CSTF2T: variants seen among roughly 807,000 people sequenced by gnomAD.
CSTF2T encodes the protein cleavage stimulation factor subunit 2 tau variant, also known as CF-1 64 kDa subunit tau.
In CSTF2T, 18 loss-of-function variants were observed where a neutral mutation model predicts 39.9. The observed-to-expected ratio is 0.45, with a 90% confidence interval of 0.31 to 0.67. CSTF2T has a LOEUF of 0.67. Among genes scored for constraint, CSTF2T ranks in the 30% least tolerant of loss-of-function variants. The pLI, the probability that CSTF2T is intolerant of heterozygous loss-of-function variation, is 0.06. For missense variants in CSTF2T, 681 were observed against 789.0 expected, an observed-to-expected ratio of 0.86 and a Z score of 1.64; for synonymous variants, 291 against 276.4, an observed-to-expected ratio of 1.05 and a Z score of -0.52.
chr10:51,698,539 T>C lies in CSTF2T; in HGVS notation c.1011A>G (p.Pro337=), dbSNP rs747979068. The change falls in exon 1 of 1, where the codon CCA becomes CCG. Residue 337 remains proline, a synonymous_variant. Coordinates refer to ENST00000331173, the MANE Select transcript of CSTF2T (RefSeq NM_015235.3). ...RGLLGDAPND[P]RGGTLLSVTG... Reference sequence around the variant, plus strand: ...TGACTGAAAGCAAAGTCCCTCCACGTGGGTCATTTGGAGCATCTCCTAACA... The same window carrying C: ...TGACTGAAAGCAAAGTCCCTCCACGCGGGTCATTTGGAGCATCTCCTAACA... 2.5e-5 allele frequency: 40 copies of C among 1,613,978 alleles called. No individual in the cohort carries two copies. Among genetic ancestry groups the C allele is most frequent in the Non-Finnish European group, 3.4e-5 (40 of 1,180,038 alleles).
rs1194268948 is a variant in CSTF2T at position 51,699,587 on chromosome 10, G to C, written c.-38C>G. On this transcript the variant is annotated 5_prime_UTR_variant, in exon 1 of 1. Transcript: ENST00000331173. ...GCAGACAGCCGATAGCGGATTCTTC[G>C]AGGCGTCTGTCCTCTTGCGACCGAC... is the stretch of plus-strand genomic sequence containing the variant. 7.6e-6 allele frequency: 12 copies of C among 1,576,638 alleles called. No homozygotes were observed. The highest frequency in any genetic ancestry group is 1.7e-4 in the Middle Eastern group (1 of 5,790).
Position 51,697,879 on chromosome 10 carries a change from G to C in CSTF2T, c.1671C>G (p.Ser557Arg). 1 of 1,613,282 alleles carries C rather than the reference G, an allele frequency of 6.2e-7. No individual in the cohort carries two copies. The highest frequency in any genetic ancestry group is 8.5e-7 in the Non-Finnish European group (1 of 1,179,586). Residue 557 changes from serine to arginine, a missense_variant, in exon 1 of 1, where the codon AGC becomes AGG. Coordinates refer to ENST00000331173, the MANE Select transcript of CSTF2T (RefSeq NM_015235.3). ...GIQGASKQGG[S>R]QPSSFSPGQS... Reference sequence around the variant, plus strand: ...GCCCAGGACTAAAACTGCTAGGCTGGCTTCCACCTTGCTTGCTTGCCCCCT... The same window carrying C: ...GCCCAGGACTAAAACTGCTAGGCTGCCTTCCACCTTGCTTGCTTGCCCCCT...
chr10:51,698,932 C>CTGAGA lies in CSTF2T; in HGVS notation c.613_617dup (p.Gln206HisfsTer26). 1 of 1,614,234 alleles carries CTGAGA rather than the reference C, an allele frequency of 6.2e-7. No individual in the cohort carries two copies. The highest frequency in any genetic ancestry group is 8.5e-7 in the Non-Finnish European group (1 of 1,180,042). On this transcript the variant is annotated frameshift_variant, in exon 1 of 1. Coordinates refer to ENST00000331173, the MANE Select transcript of CSTF2T (RefSeq NM_015235.3). LOFTEE classifies it high-confidence loss of function. The stretch of plus-strand genomic sequence containing the variant: ...GGCCAGGGCCAGAGACAGACACAGA[C>CTGAGA]TGAGATTTGCCTGGGATCAGTGGTG...
At position 51,695,647 on chromosome 10, in the gene CSTF2T, C is replaced by T. The variant is rs952193853; in HGVS notation, c.*2052G>A. On this transcript the variant is annotated 3_prime_UTR_variant, in exon 1 of 1. Coordinates refer to ENST00000331173, the MANE Select transcript of CSTF2T (RefSeq NM_015235.3). ...GCCAACTCTGTGAATTAGTATTAAGCATAACTATCACATATGTAAACGCGA... is the reference window on the plus strand; with the variant it reads ...GCCAACTCTGTGAATTAGTATTAAGTATAACTATCACATATGTAAACGCGA... 2.6e-5 allele frequency: 4 copies of T among 152,116 alleles called. No individual in the cohort carries two copies. Among genetic ancestry groups the T allele is most frequent in the African/African-American group, 9.7e-5 (4 of 41,418 alleles). 9.4% of individuals were successfully genotyped at this position (152,116 alleles called of 1,614,324 possible). A position where few individuals can be genotyped will look rare whatever the true frequency, so the allele number is the denominator to read the frequency against.
Position 51,698,927 on chromosome 10 carries a change from A to G in CSTF2T, c.623T>C (p.Val208Ala). 1 of 1,614,214 alleles carries G rather than the reference A, an allele frequency of 6.2e-7. No homozygotes were observed. Among genetic ancestry groups the G allele is most frequent in the Non-Finnish European group, 8.5e-7 (1 of 1,180,010 alleles). The change falls in exon 1 of 1, where the codon GTG becomes GCG. Residue 208 changes from valine to alanine, a missense_variant. Physicochemically the swap from Val to Ala is moderately conservative, Grantham distance 64. Coordinates refer to ENST00000331173, the MANE Select transcript of CSTF2T (RefSeq NM_015235.3). ...GCCAGGGCCAGGGCCAGAGACAGAC[A>G]CAGACTGAGATTTGCCTGGGATCAG... ...TPLIPGKSQS[V>A]SVSGPGPGPG...
At position 51,699,569 on chromosome 10, in the gene CSTF2T, G is replaced by C. The variant is rs771141009; in HGVS notation, c.-20C>G. On this transcript the variant is annotated 5_prime_UTR_variant, in exon 1 of 1. Coordinates refer to ENST00000331173, the MANE Select transcript of CSTF2T (RefSeq NM_015235.3). ...CGACATGATTCCGGTTGTGCAGACA[G>C]CCGATAGCGGATTCTTCGAGGCGTC... 1.0e-5 allele frequency: 16 copies of C among 1,589,366 alleles called. No individual in the cohort carries two copies. Among genetic ancestry groups the C allele is most frequent in the Non-Finnish European group, 1.0e-5 (12 of 1,168,026 alleles).
Position 51,697,656 on chromosome 10 carries a change from A to T in CSTF2T, c.*43T>A, listed in dbSNP as rs1841333940. 6.9e-6 allele frequency: 11 copies of T among 1,597,830 alleles called. No individual in the cohort carries two copies. The East Asian group carries it at 2.5e-4, about 36-fold the overall frequency. ...TTTTTGCACCCATTCTCCATGCTAC[A>T]GAATAAAATTTGAGACTACAGCCAA... On this transcript the variant is annotated 3_prime_UTR_variant, in exon 1 of 1. Transcript: ENST00000331173.
Position 51,697,917 on chromosome 10 carries a change from C to T in CSTF2T, c.1633G>A (p.Gly545Arg). 6.3e-7 allele frequency: 1 copy of T among 1,598,602 alleles called. No individual in the cohort carries two copies. The highest frequency in any genetic ancestry group is 8.5e-7 in the Non-Finnish European group (1 of 1,173,748). Reference protein sequence around the residue: ...GVSIQGGGIQGGGIQGASKQG... With the variant: ...GVSIQGGGIQRGGIQGASKQG... ...TTGCTTGCCCCCTGTATACCTCCTCCTTGTATACCTCCTCCTTGTATACTG... is the reference window on the plus strand; with the variant it reads ...TTGCTTGCCCCCTGTATACCTCCTCTTTGTATACCTCCTCCTTGTATACTG... The change falls in exon 1 of 1, where the codon GGA (glycine) becomes AGA (arginine). Residue 545 changes from glycine (G) to arginine (R), a missense_variant. By Grantham distance (125) the Gly-to-Arg change is moderately radical. Coordinates refer to ENST00000331173, the MANE Select transcript of CSTF2T (RefSeq NM_015235.3).
Position 51,699,078 on chromosome 10 carries a change from CT to C in CSTF2T, c.471del (p.Ala158LeufsTer20). 6.2e-7 allele frequency: 1 copy of C among 1,614,218 alleles called. No individual in the cohort carries two copies. Among genetic ancestry groups the C allele is most frequent in the Non-Finnish European group, 8.5e-7 (1 of 1,180,042 alleles). On this transcript the variant is annotated frameshift_variant, in exon 1 of 1. Coordinates refer to ENST00000331173, the MANE Select transcript of CSTF2T (RefSeq NM_015235.3). LOFTEE classifies it high-confidence loss of function. Reference sequence around the variant, plus strand: ...GGATTTTGAAGTAACATGTTTCGAGCTTCCTGGTGGCTGTTTTGGACACAGA... The same window carrying C: ...GGATTTTGAAGTAACATGTTTCGAGCTCCTGGTGGCTGTTTTGGACACAGA... ...MKLCVQNSHQ[E>X]ARNMLLQNPQ...
rs922713648 is a variant in CSTF2T, at chr10:51,698,544, C to T, written c.1006G>A (p.Asp336Asn). 6.8e-6 allele frequency: 11 copies of T among 1,614,000 alleles called. No individual in the cohort carries two copies. Among genetic ancestry groups the T allele is most frequent in the Non-Finnish European group, 9.3e-6 (11 of 1,180,030 alleles). Residue 336 changes from aspartate to asparagine, a missense_variant, in exon 1 of 1, where the codon GAC becomes AAC. Asp to Asn is a conservative substitution (Grantham distance 23, BLOSUM62 1). Around this residue, in one of 4 missense-constraint regions of CSTF2T, gnomAD observed 329 missense variants for 344.1 expected, o/e 0.96. Transcript: ENST00000331173. The part of the protein sequence containing the change: ...PRGLLGDAPN[D>N]PRGGTLLSVT... ...GAAAGCAAAGTCCCTCCACGTGGGT[C>T]ATTTGGAGCATCTCCTAACAGTCCT...
Position 51,698,342 on chromosome 10 carries a change from C to G in CSTF2T, c.1208G>C (p.Arg403Thr). Reference sequence around the variant, plus strand: ...ACCTCTACCATCCATAGGTAGACCCCTTTGATCTATCATGGGGCCTCTGGG... The same window carrying G: ...ACCTCTACCATCCATAGGTAGACCCGTTTGATCTATCATGGGGCCTCTGGG... ...GEPRGPMIDQ[R>T]GLPMDGRGGR... The change falls in exon 1 of 1, where the codon AGG becomes ACG. Residue 403 changes from arginine (R) to threonine (T), a missense_variant. Physicochemically the swap from Arg to Thr is moderately conservative, Grantham distance 71. Around this residue, in one of 4 missense-constraint regions of CSTF2T, gnomAD observed 282 missense variants for 289.2 expected, o/e 0.98. Transcript: ENST00000331173. 2 of 1,614,184 alleles carry G rather than the reference C, an allele frequency of 1.2e-6. No homozygotes were observed. The highest frequency in any genetic ancestry group is 1.7e-6 in the Non-Finnish European group (2 of 1,180,042).
Position 51,699,202 on chromosome 10 carries a change from C to T in CSTF2T, c.348G>A (p.Gly116=), listed in dbSNP as rs1480104493. ...GGGCATCTTCTGGATCGATGGGATC[C>T]CCATAGGGTGAGTCAATAATGGGCG... ...PAAPIIDSPY[G]DPIDPEDAPE... is the part of the protein sequence containing the mutation. The change falls in exon 1 of 1, where the codon GGG becomes GGA. Residue 116 remains glycine (G), a synonymous_variant. Coordinates refer to ENST00000331173, the MANE Select transcript of CSTF2T (RefSeq NM_015235.3). The T allele has an allele frequency of 9.3e-6, 15 of 1,613,998 alleles. No homozygotes were observed. Among genetic ancestry groups the T allele is most frequent in the Non-Finnish European group, 1.3e-5 (15 of 1,180,024 alleles).
Position 51,697,569 on chromosome 10 carries a change from A to C in CSTF2T, c.*130T>G. The C allele has an allele frequency of 1.1e-6, 1 of 929,306 alleles. No individual in the cohort carries two copies. The allele number at this position is 929,306 out of a possible 1,614,324, so 57.6% of individuals were successfully genotyped here. On this transcript the variant is annotated 3_prime_UTR_variant, in exon 1 of 1. Transcript: ENST00000331173. The stretch of plus-strand genomic sequence containing the variant: ...ACAGAAAGAAAGAAAAAGAACAAAA[A>C]ATAAGATTAGGTTCTAGGAGGAGGG...
At position 51,698,427 on chromosome 10, in the gene CSTF2T, G is replaced by A. The variant is rs1435126491; in HGVS notation, c.1123C>T (p.Pro375Ser). 2.5e-6 allele frequency: 4 copies of A among 1,613,956 alleles called. No homozygotes were observed. The highest frequency in any genetic ancestry group is 2.2e-5 in the East Asian group (1 of 44,852). The change falls in exon 1 of 1, where the codon CCT becomes TCT. Residue 375 changes from proline (P) to serine (S), a missense_variant. Coordinates refer to ENST00000331173, the MANE Select transcript of CSTF2T (RefSeq NM_015235.3). ...HHASGHDTRG[P>S]SSHEMRGGPL... ...CCTCCCCTCATCTCATGTGAGGAAG[G>A]GCCACGAGTGTCATGACCAGAGGCA...
chr10:51,698,938 T>G lies in CSTF2T; in HGVS notation c.612A>C (p.Lys204Asn), dbSNP rs146358831. ...GGCCAGAGACAGACACAGACTGAGA[T>G]TTGCCTGGGATCAGTGGTGTGACAT... Reference protein sequence around the residue: ...KIHVTPLIPGKSQSVSVSGPG... With the variant: ...KIHVTPLIPGNSQSVSVSGPG... The change falls in exon 1 of 1, where the codon AAA (lysine) becomes AAC (asparagine). Residue 204 changes from lysine to asparagine, a missense_variant. Lys to Asn is a moderately conservative substitution (Grantham distance 94). Transcript: ENST00000331173. 6.2e-7 allele frequency: 1 copy of G among 1,614,186 alleles called. No homozygotes were observed. The highest frequency in any genetic ancestry group is 1.1e-5 in the South Asian group (1 of 91,088).
Position 51,697,999 on chromosome 10 carries a change from G to C in CSTF2T, c.1551C>G (p.Gly517=), listed in dbSNP as rs1315259841. 6.2e-7 allele frequency: 1 copy of C among 1,612,600 alleles called. No individual in the cohort carries two copies. The highest frequency in any genetic ancestry group is 2.2e-5 in the East Asian group (1 of 44,764). ...CTCCTTGTATGCCTGCTCCCTGCATGCCTGTTCCTTGTATGCCTGTACCCT... is the reference window on the plus strand; with the variant it reads ...CTCCTTGTATGCCTGCTCCCTGCATCCCTGTTCCTTGTATGCCTGTACCCT... The part of the protein sequence containing the change: ...GMQGTGIQGT[G]MQGAGIQGGG... Residue 517 remains glycine, a synonymous_variant, in exon 1 of 1, where the codon GGC becomes GGG. Transcript: ENST00000331173.
At position 51,699,216 on chromosome 10, in the gene CSTF2T, C is replaced by T. The variant is rs1841396877; in HGVS notation, c.334G>A (p.Asp112Asn). ...TCGATGGGATCCCCATAGGGTGAGT[C>T]AATAATGGGCGCTGCAGGCCCAAGG... ...KSLGPAAPII[D>N]SPYGDPIDPE... Residue 112 changes from aspartate to asparagine, a missense_variant, in exon 1 of 1, where the codon GAC becomes AAC. Physicochemically the swap from Asp to Asn is conservative, Grantham distance 23. This residue lies in a region of CSTF2T where 329 missense variants were observed against 344.1 expected (regional missense o/e 0.96). Transcript: ENST00000331173. 3 of 1,614,014 alleles carry T rather than the reference C, an allele frequency of 1.9e-6. No individual in the cohort carries two copies. The highest frequency in any genetic ancestry group is 1.7e-5 in the Admixed American group (1 of 59,996).
rs751412913 is a variant in CSTF2T at position 51,698,516 on chromosome 10, A to C, written c.1034T>G (p.Val345Gly). ...ACCTCTGGGCTCCACTTCTCCAGTG[A>C]CTGAAAGCAAAGTCCCTCCACGTGG... ...NDPRGGTLLSVTGEVEPRGYL... is the reference protein window; with the variant it reads ...NDPRGGTLLSGTGEVEPRGYL... The change falls in exon 1 of 1, where the codon GTC (valine) becomes GGC (glycine). Residue 345 changes from valine (V) to glycine (G), a missense_variant. By Grantham distance (109) the Val-to-Gly change is moderately radical (BLOSUM62 -3). Coordinates refer to ENST00000331173, the MANE Select transcript of CSTF2T (RefSeq NM_015235.3). 2 of 1,613,998 alleles carry C rather than the reference A, an allele frequency of 1.2e-6. No individual in the cohort carries two copies. Among genetic ancestry groups the C allele is most frequent in the Non-Finnish European group, 1.7e-6 (2 of 1,180,026 alleles).
Position 51,698,074 on chromosome 10 carries a change from G to A in CSTF2T, c.1476C>T (p.Pro492=), listed in dbSNP as rs772286622. The A allele has an allele frequency of 5.8e-5, 93 of 1,613,948 alleles. No individual in the cohort carries two copies. Among genetic ancestry groups the A allele is most frequent in the Non-Finnish European group, 7.6e-5 (90 of 1,180,024 alleles). ...NIGAGGPPQG[P]RQVPGISGVG... ...CCCCTGAAATGCCTGGGACCTGTCT[G>A]GGTCCCTGAGGAGGGCCACCTGCCC... is the stretch of plus-strand genomic sequence containing the variant. The change falls in exon 1 of 1, where the codon CCC becomes CCT. Residue 492 remains proline (P), a synonymous_variant. Coordinates refer to ENST00000331173, the MANE Select transcript of CSTF2T (RefSeq NM_015235.3).
Sources: allele counts gnomAD v4.1 joint callset, GRCh38; gene constraint gnomAD v4.1.1; regional missense constraint gnomAD v4.1.1; transcripts MANE v1.5; gene names NCBI Gene and HGNC (gene_info 2026-07-23, HGNC 2026-07-21).